ADAMTS2: variants seen among roughly 807,000 people sequenced by gnomAD.
ADAMTS2 encodes ADAM metallopeptidase with thrombospondin type 1 motif 2.
ADAMTS2 carries 50 observed loss-of-function variants against 123.0 expected under a neutral mutation model. The ratio of observed to expected loss-of-function variants is 0.41; its 90% CI spans 0.32 to 0.51. ADAMTS2 has a LOEUF of 0.51. Ranked by LOEUF, ADAMTS2 falls within the 20% of genes least tolerant of loss-of-function variation. The pLI is 0.35. For missense variants in ADAMTS2, 1,494 were observed against 1,705.2 expected (o/e 0.88, Z 2.18); for synonymous variants, 678 against 695.4 (o/e 0.98, Z 0.39).
rs1561628475 is a variant in ADAMTS2 at position 179,245,782 on chromosome 5, A to AC, written c.688+27128_688+27129insG. ...CTCCGTCTCAAAAAAAAAAAAAAAAAAAAAAAAAAAAAACAAAAAAAACAA... is the reference window on the plus strand; with the variant it reads ...CTCCGTCTCAAAAAAAAAAAAAAAAACAAAAAAAAAAAAACAAAAAAAACAA... On this transcript the variant is annotated intron_variant, in intron 3 of 21. Coordinates refer to ENST00000251582, the MANE Select transcript of ADAMTS2 (RefSeq NM_014244.5). Among the ~76,000 whole-genome samples, 80 of 132,134 alleles carry AC rather than the reference A, an allele frequency of 6.1e-4. 4 individuals carry two copies. Among genetic ancestry groups the AC allele is most frequent in the African/African-American group, 1.9e-3 (67 of 34,496 alleles). 86.7% of individuals were successfully genotyped at this position (132,134 alleles called of 152,430 possible).
chr5:179,326,996 G>A (rs1034508336), intron 2 of ADAMTS2, among the ~76,000 whole-genome samples: 1 of 152,154 alleles, frequency 6.6e-6, no homozygotes, highest in Non-Finnish European at 1.5e-5. Context: ...AGCCCGCCAG[G>A]GTAATGATAG....
chr5:179,239,536 G>A (rs965759403), intron 3 of ADAMTS2, among the ~76,000 whole-genome samples: 3 of 152,134 alleles, frequency 2.0e-5, no homozygotes, highest in East Asian at 1.9e-4. Context: ...AGAGACAGAT[G>A]AGGTGCAGAT....
chr5:179,244,008 G>T (rs759493748), intron 3 of ADAMTS2, among the ~76,000 whole-genome samples: 2 of 151,940 alleles, frequency 1.3e-5, no homozygotes, highest in South Asian at 2.1e-4. Context: ...AAAAGTAAAC[G>T]GAACTTAAGA....
At chr5:179,134,792 TCCAGCCCCCAGCTCCC>T (rs1763026181) in intron 13 of ADAMTS2, among the ~76,000 whole-genome samples, 1 of 31,396 alleles carries the variant, frequency 3.2e-5, no homozygotes, top group Non-Finnish European at 6.2e-5. Context: ...AGCTCCCGGC[TCCAGCCCCCAGCTCCC>T]GGCTCCAGCC....
At chr5:179,152,050 C>A (rs1763369211) in intron 10 of ADAMTS2, 92 bp downstream of exon 10, 2 of 1,196,378 alleles carry the variant, frequency 1.7e-6, no homozygotes, top group Non-Finnish European at 2.5e-6. Context: ...GGGCCCCCAC[C>A]CCCACTTCAG....
chr5:179,302,236 C>T lies in ADAMTS2; in HGVS notation c.535-29172G>A, dbSNP rs866985382. On this transcript the variant is annotated intron_variant, in intron 2 of 21. Coordinates refer to ENST00000251582, the MANE Select transcript of ADAMTS2 (RefSeq NM_014244.5). ...CAGCATTTTGGGAGGCTGAGGTGGG[C>T]GGATCATGAGGTCAGGAGATGGAGA... 2.4e-4 allele frequency among the ~76,000 whole-genome samples: 37 copies of T among 151,836 alleles called. No individual in the cohort carries two copies. The East Asian group carries it at 2.5e-3, about 10-fold the overall frequency.
At chr5:179,258,591 T>C (rs1030801436) in intron 3 of ADAMTS2, among the ~76,000 whole-genome samples, 1 of 152,186 alleles carries the variant, frequency 6.6e-6, no homozygotes, top group Non-Finnish European at 1.5e-5. Flanking sequence ...GGCTCAAGCC[T>C]GGGCAGCATT....
chr5:179,261,061 G>A (rs527530358), intron 3 of ADAMTS2, among the ~76,000 whole-genome samples: 5 of 152,212 alleles, frequency 3.3e-5, no homozygotes, highest in East Asian at 1.9e-4. Flanking sequence ...TGCAACTAAC[G>A]CTAACAAAAC....
In ADAMTS2 at chr5:179,332,735, G is replaced by A. The variant is rs377290420; in HGVS notation, c.534+11032C>T. 2.6e-5 allele frequency among the ~76,000 whole-genome samples: 4 copies of A among 151,970 alleles called. No individual in the cohort carries two copies. In the South Asian group the frequency reaches 6.2e-4, roughly 24 times the overall value. On this transcript the variant is annotated intron_variant, in intron 2 of 21. Transcript: ENST00000251582. The surrounding 1 kb of genome is among the most constrained non-coding windows in gnomAD (Gnocchi z 4.2). ...AGGGAGGGGATGGGAGAGGAAGGGA[G>A]GGAGGAGTGCAGAGAGGAAGGGAGG...
Position 179,227,800 on chromosome 5 carries a change from C to T in ADAMTS2, c.689-20085G>A, listed in dbSNP as rs1057227254. ...GGAGGGCCAGGAGAGGAGAGATGGC[C>T]GAGGCCGGGAGGAGGGCAGAAGTGC... On this transcript the variant is annotated intron_variant, in intron 3 of 21. Transcript: ENST00000251582. Among the ~76,000 whole-genome samples the T allele has an allele frequency of 3.9e-5, 6 of 151,910 alleles. No individual in the cohort carries two copies. The East Asian group carries it at 1.2e-3, about 29-fold the overall frequency.
intron 19 of ADAMTS2, among the ~76,000 whole-genome samples, chr5:179,123,127 G>A (rs1762792389): frequency 6.6e-6 from 1 of 152,242 alleles, no homozygotes; most frequent in African/African-American, 2.4e-5. Flanking sequence ...CAGGGGTTGA[G>A]GTGGGGCACT....
At chr5:179,247,732 AGGT>A (rs1487086324) in intron 3 of ADAMTS2, among the ~76,000 whole-genome samples, 1 of 152,196 alleles carries the variant, frequency 6.6e-6, no homozygotes. Context: ...GACATATTTA[AGGT>A]GCTGAAAAAA....
chr5:179,244,770 A>G (rs1188267632), intron 3 of ADAMTS2, among the ~76,000 whole-genome samples: 1 of 152,218 alleles, frequency 6.6e-6, no homozygotes, highest in African/African-American at 2.4e-5. Flanking sequence ...CTACTGGAGT[A>G]AAAAAATGAC....
intron 2 of ADAMTS2, among the ~76,000 whole-genome samples, chr5:179,330,098 AGTCCG>A (rs1757442950): frequency 6.9e-6 from 1 of 145,600 alleles, no homozygotes; most frequent in Non-Finnish European, 1.5e-5. Context: ...TGCAGTCCGC[AGTCCG>A]GCCTGGGCGA....
At chr5:179,177,210 C>A (rs1231722055) in intron 5 of ADAMTS2, among the ~76,000 whole-genome samples, 1 of 152,204 alleles carries the variant, frequency 6.6e-6, no homozygotes, top group African/African-American at 2.4e-5. Context: ...ATGTGATGAA[C>A]TGTATGAATA....
At chr5:179,147,308 C>T (rs1366910293) in intron 10 of ADAMTS2, among the ~76,000 whole-genome samples, 4 of 152,120 alleles carry the variant, frequency 2.6e-5, no homozygotes, top group African/African-American at 4.8e-5. Flanking sequence ...AGGCTGGTCT[C>T]GAACTCCTGA....
At chr5:179,166,108 G>A (rs1763690415) in intron 5 of ADAMTS2, among the ~76,000 whole-genome samples, 1 of 152,144 alleles carries the variant, frequency 6.6e-6, no homozygotes, top group South Asian at 2.1e-4. Flanking sequence ...CTCTTCCAGA[G>A]TGCAGGGTCC....
In ADAMTS2 at chr5:179,118,958, T is replaced by C. The variant is rs1035438481; in HGVS notation, c.3178+2703A>G. ...GCTTTGGAAAATGCTGGATGGAGAA[T>C]ACCTCATTCTCATTTCTCAGTAAAG... On this transcript the variant is annotated intron_variant, in intron 21 of 21. Coordinates refer to ENST00000251582, the MANE Select transcript of ADAMTS2 (RefSeq NM_014244.5). This position sits in a 1 kb window ranked among gnomAD's most constrained non-coding sequence, Gnocchi z 4.5. 2.0e-5 allele frequency among the ~76,000 whole-genome samples: 3 copies of C among 152,238 alleles called. No individual in the cohort carries two copies. Among genetic ancestry groups the C allele is most frequent in the African/African-American group, 4.8e-5 (2 of 41,456 alleles).
intron 3 of ADAMTS2, among the ~76,000 whole-genome samples, chr5:179,237,507 C>T (rs573885838): frequency 1.7e-4 from 26 of 152,234 alleles, no homozygotes; most frequent in African/African-American, 6.3e-4. Flanking sequence ...GTGGTAGCAG[C>T]CTCTACTGAC....
Sources: allele counts gnomAD v4.1 joint callset (sites outside exome capture counted in the v4.1 genomes callset), GRCh38; gene constraint gnomAD v4.1.1; non-coding constraint Gnocchi (gnomAD v3.1); transcripts MANE v1.5; gene names NCBI Gene and HGNC (gene_info 2026-07-23, HGNC 2026-07-21).